The following ADORA2B variants were observed in gnomAD, a reference collection of about 807,000 sequenced individuals.
The protein encoded by ADORA2B is adenosine A2b receptor.
In ADORA2B, 18 loss-of-function variants were observed where a neutral mutation model predicts 20.8. That is an observed-to-expected ratio of 0.87 (90% CI 0.60 to 1.29). The LOEUF is 1.29. Among genes scored for constraint, ADORA2B ranks in the 50% most tolerant of loss-of-function variants. ADORA2B has a pLI of 0.00. For missense variants in ADORA2B, 441 were observed against 422.7 expected (o/e 1.04, Z -0.38); for synonymous variants, 179 against 178.3 (o/e 1.00, Z -0.03).
chr17:15,943,990 G>C (rs1597841924), upstream of ADORA2B, among the ~76,000 whole-genome samples: 1 of 152,160 alleles, frequency 6.6e-6, no homozygotes, highest in Admixed American at 6.5e-5. Context: ...AGGCAGAGAG[G>C]GAGGGATGGT....
At chr17:15,883,009 G>A in the ADORA2B span, among the ~76,000 whole-genome samples, 21 of 144,264 alleles carry the variant, frequency 1.5e-4, no homozygotes, top group East Asian at 3.9e-3. Context: ...AGTCCCAAGT[G>A]AATCTGCACT....
chr17:15,881,360 C>T, the ADORA2B span, among the ~76,000 whole-genome samples: 338 of 152,322 alleles, frequency 2.2e-3, 1 homozygote, highest in Non-Finnish European at 4.0e-3. Flanking sequence ...CTCGGCCTCC[C>T]GAAGTGCTGG....
At chr17:15,940,531 C>T (rs1434100046), upstream of ADORA2B, among the ~76,000 whole-genome samples, 1 of 152,180 alleles carries the variant, frequency 6.6e-6, no homozygotes, top group African/African-American at 2.4e-5. Flanking sequence ...GCTGTGACTC[C>T]TGATGTGTGC....
the ADORA2B span, among the ~76,000 whole-genome samples, chr17:15,857,663 C>T: frequency 1.6e-3 from 243 of 151,938 alleles, 2 homozygotes; most frequent in Non-Finnish European, 3.1e-4. Context: ...TGATGACTGC[C>T]CCACTGGGTT....
rs998096885 is a variant in ADORA2B, at chr17:15,973,358, T to G, written c.336-1321T>G. On this transcript the variant is annotated intron_variant, in intron 1 of 1. Transcript: ENST00000304222. ...ATACCACATATATCTCCATACTGTT[T>G]ATTATTATGTTTACCCCTGCTAGAT... Among the ~76,000 whole-genome samples, 4 of 152,302 alleles carry G rather than the reference T, an allele frequency of 2.6e-5. No homozygotes were observed. In the East Asian group the frequency reaches 7.7e-4, roughly 29 times the overall value.
chr17:15,932,021 A>C, the ADORA2B span, among the ~76,000 whole-genome samples: 1 of 152,112 alleles, frequency 6.6e-6, no homozygotes, highest in Admixed American at 6.5e-5. Flanking sequence ...GTGAACCACC[A>C]TACCTGGCCT....
chr17:15,940,018 A>T, the ADORA2B span, among the ~76,000 whole-genome samples: 1 of 152,116 alleles, frequency 6.6e-6, no homozygotes, highest in Non-Finnish European at 1.5e-5. Flanking sequence ...TAACTTTCTC[A>T]TTTCAGATTT....
At chr17:15,927,128 C>T in the ADORA2B span, among the ~76,000 whole-genome samples, 2 of 151,542 alleles carry the variant, frequency 1.3e-5, no homozygotes, top group African/African-American at 4.9e-5. Flanking sequence ...AGGCAGATCA[C>T]CTGAGGTCAG....
chr17:15,903,428 C>T, the ADORA2B span, among the ~76,000 whole-genome samples: 1 of 152,204 alleles, frequency 6.6e-6, no homozygotes, highest in Non-Finnish European at 1.5e-5. Context: ...GCTAAATTCA[C>T]CTTTTATGTA....
chr17:15,921,981 T>A, the ADORA2B span, among the ~76,000 whole-genome samples: 1 of 152,168 alleles, frequency 6.6e-6, no homozygotes, highest in Non-Finnish European at 1.5e-5. Context: ...GGGTGGGAAA[T>A]CTAGTCTGGG....
the ADORA2B span, among the ~76,000 whole-genome samples, chr17:15,931,382 G>A: frequency 6.6e-6 from 1 of 152,208 alleles, no homozygotes; most frequent in East Asian, 1.9e-4. Context: ...TGTGAAGTGA[G>A]ATCTGATATC....
chr17:15,952,846 T>A (rs971775638), intron 1 of ADORA2B, among the ~76,000 whole-genome samples: 6 of 152,252 alleles, frequency 3.9e-5, no homozygotes, highest in Admixed American at 1.3e-4. Context: ...AGAATTAGGC[T>A]TTAGCCATGG....
the ADORA2B span, among the ~76,000 whole-genome samples, chr17:15,911,041 C>T: frequency 2.6e-5 from 4 of 152,176 alleles, no homozygotes; most frequent in African/African-American, 7.2e-5. Flanking sequence ...GTTCTCTAGA[C>T]GACTCCAATG....
chr17:15,883,451 C>A, the ADORA2B span, among the ~76,000 whole-genome samples: 1 of 152,128 alleles, frequency 6.6e-6, no homozygotes, highest in South Asian at 2.1e-4. Flanking sequence ...GTTTTCAAGC[C>A]ATGGTGGCAG....
intron 1 of ADORA2B, among the ~76,000 whole-genome samples, chr17:15,955,478 C>T (rs952163056): frequency 1.3e-5 from 2 of 150,660 alleles, no homozygotes; most frequent in African/African-American, 4.9e-5. Flanking sequence ...GGCTCACTGG[C>T]TCACTGCAAC....
chr17:15,887,728 A>G, the ADORA2B span, among the ~76,000 whole-genome samples: 3 of 126,542 alleles, frequency 2.4e-5, 1 homozygote, highest in East Asian at 6.2e-4. Flanking sequence ...CAGACGGATC[A>G]TGAGGTCAGG....
the ADORA2B span, among the ~76,000 whole-genome samples, chr17:15,933,774 G>A: frequency 1.3e-4 from 18 of 139,786 alleles, no homozygotes; most frequent in South Asian, 9.0e-4. Flanking sequence ...ATATGTGTGT[G>A]TATATATATA....
At chr17:15,876,449 C>CTTTTTTTTTTT in the ADORA2B span, among the ~76,000 whole-genome samples, 16 of 119,294 alleles carry the variant, frequency 1.3e-4, no homozygotes, top group Admixed American at 1.7e-4. Context: ...TTTCTTTTTT[C>CTTTTTTTTTTT]TTTTTTTTTT....
At chr17:15,973,812 T>G (rs999668181) in intron 1 of ADORA2B, 1 of 152,184 alleles carries the variant, frequency 6.6e-6, no homozygotes. Flanking sequence ...GTAGGAAGTA[T>G]AGGAAGTCGA....
Sources: allele counts gnomAD v4.1 joint callset (sites outside exome capture counted in the v4.1 genomes callset), GRCh38; gene constraint gnomAD v4.1.1; transcripts MANE v1.5; gene names NCBI Gene and HGNC (gene_info 2026-07-23, HGNC 2026-07-21).